The following RASAL2 variants were observed in gnomAD, a reference collection of about 807,000 sequenced individuals.
RASAL2 encodes the protein RAS protein activator like 2.
RASAL2 carries 58 observed loss-of-function variants against 128.9 expected under a neutral mutation model. That is an observed-to-expected ratio of 0.45 (90% CI 0.36 to 0.56). The LOEUF (loss-of-function observed/expected upper bound fraction) is 0.56. Among genes scored for constraint, RASAL2 ranks in the 20% least tolerant of loss-of-function variants. The pLI is 0.00. For missense variants in RASAL2, 1,360 were observed against 1,601.6 expected (o/e 0.85, Z 2.57); for synonymous variants, 561 against 580.8 (o/e 0.97, Z 0.49).
At chr1:178,207,816 G>A (rs940517470) in intron 1 of RASAL2, among the ~76,000 whole-genome samples, 7 of 151,580 alleles carry the variant, frequency 4.6e-5, no homozygotes, top group African/African-American at 1.7e-4. Context: ...TTTCTCTCAT[G>A]ATAAAAACAT....
chr1:178,320,216 T>G (rs1668691620), intron 3 of RASAL2, among the ~76,000 whole-genome samples: 2 of 151,832 alleles, frequency 1.3e-5, no homozygotes, highest in Non-Finnish European at 2.9e-5. Flanking sequence ...ACAGGGACAT[T>G]TAAGTCTGCA....
At chr1:178,233,593 T>A (rs1664101897) in intron 1 of RASAL2, among the ~76,000 whole-genome samples, 1 of 152,144 alleles carries the variant, frequency 6.6e-6, no homozygotes, top group African/African-American at 2.4e-5. Context: ...CTGCCAAAGA[T>A]GGTTAGTAAT....
chr1:178,250,693 C>T (rs1486276672), intron 1 of RASAL2, among the ~76,000 whole-genome samples: 1 of 152,202 alleles, frequency 6.6e-6, no homozygotes, highest in Non-Finnish European at 1.5e-5. Context: ...CCTATTAGGT[C>T]ATCTTGCCAG....
intron 1 of RASAL2, among the ~76,000 whole-genome samples, chr1:178,265,399 C>T (rs888643010): frequency 6.6e-6 from 1 of 152,188 alleles, no homozygotes; most frequent in African/African-American, 2.4e-5. Flanking sequence ...GCTGGAATTA[C>T]AGTTTCCCTC....
At position 178,452,460 on chromosome 1, in the gene RASAL2, A is replaced by C. The variant is rs1404251781; in HGVS notation, c.1817A>C (p.Gln606Pro). The change falls in exon 11 of 18, where the codon CAG becomes CCG. Residue 606 changes from glutamine (Q) to proline (P), a missense_variant. Around this residue, in one of 3 missense-constraint regions of RASAL2, gnomAD observed 741 missense variants for 868.6 expected, o/e 0.85. Coordinates refer to ENST00000367649, the MANE Select transcript of RASAL2 (RefSeq NM_170692.4). ...AAAGAAGTGTTTGCATCATGGAAGC[A>C]GCAGTGCCTGAACCGTGGCAAGCAA... is the stretch of plus-strand genomic sequence containing the variant. Reference protein sequence around the residue: ...ELKEVFASWKQQCLNRGKQDI... With the variant: ...ELKEVFASWKPQCLNRGKQDI... 1 of 1,613,990 alleles carries C rather than the reference A, an allele frequency of 6.2e-7. No homozygotes were observed. The highest frequency in any genetic ancestry group is 8.5e-7 in the Non-Finnish European group (1 of 1,179,974).
intron 1 of RASAL2, among the ~76,000 whole-genome samples, chr1:178,140,145 T>C (rs74128861): frequency 6.6e-6 from 1 of 152,280 alleles, no homozygotes; most frequent in African/African-American, 2.4e-5. Flanking sequence ...CAATCTTTTT[T>C]TCATTATTGC....
At chr1:178,117,194 C>A (rs1659548928) in intron 1 of RASAL2, among the ~76,000 whole-genome samples, 1 of 152,090 alleles carries the variant, frequency 6.6e-6, no homozygotes, top group Non-Finnish European at 1.5e-5. Context: ...CTAGAGTTAA[C>A]TGGAAGCATT....
chr1:178,386,410 A>G (rs771212849), intron 3 of RASAL2, among the ~76,000 whole-genome samples: 1 of 152,210 alleles, frequency 6.6e-6, no homozygotes, highest in Non-Finnish European at 1.5e-5. Context: ...TGGCTTACAC[A>G]GAATCGTACA....
intron 17 of RASAL2, among the ~76,000 whole-genome samples, chr1:178,469,027 G>T (rs1188018301): frequency 2.0e-5 from 3 of 152,210 alleles, no homozygotes; most frequent in Non-Finnish European, 2.9e-5. Flanking sequence ...GCCAGGCAAG[G>T]TGGCTGATGC....
At chr1:178,155,890 C>G (rs1006875700) in intron 1 of RASAL2, among the ~76,000 whole-genome samples, 3 of 152,078 alleles carry the variant, frequency 2.0e-5, no homozygotes, top group Non-Finnish European at 4.4e-5. Flanking sequence ...CATCTCCTTC[C>G]CAATAATTAG....
At chr1:178,438,102 T>TTTG (rs1491265355) in intron 5 of RASAL2, among the ~76,000 whole-genome samples, 45 of 142,056 alleles carry the variant, frequency 3.2e-4, no homozygotes, top group African/African-American at 1.1e-3. Flanking sequence ...AAATGGTGGC[T>TTTG]TGTGTGTGTG....
At position 178,259,813 on chromosome 1, in the gene RASAL2, C is replaced by T. The variant is rs556657951; in HGVS notation, c.203-23751C>T. On this transcript the variant is annotated intron_variant, in intron 1 of 17. Coordinates refer to ENST00000367649, the MANE Select transcript of RASAL2 (RefSeq NM_170692.4). Reference sequence around the variant, plus strand: ...TACTGGGCCCAAGTCATCCTCCCTCCTTGGCCTCTCAAAGTGCTGAGATTA... The same window carrying T: ...TACTGGGCCCAAGTCATCCTCCCTCTTTGGCCTCTCAAAGTGCTGAGATTA... Among the ~76,000 whole-genome samples, 97 of 152,248 alleles carry T rather than the reference C, an allele frequency of 6.4e-4. No individual in the cohort carries two copies. In the South Asian group the frequency reaches 0.02, roughly 32 times the overall value.
chr1:178,392,176 A>G (rs1171089629), intron 4 of RASAL2, among the ~76,000 whole-genome samples: 1 of 152,228 alleles, frequency 6.6e-6, no homozygotes, highest in Non-Finnish European at 1.5e-5. Flanking sequence ...AGATAGAAAA[A>G]TGACCAGATT....
Position 178,369,298 on chromosome 1 carries a change from T to C in RASAL2, c.458-20802T>C, listed in dbSNP as rs370796789. On this transcript the variant is annotated intron_variant, in intron 3 of 17. Transcript: ENST00000367649. ...GTGCAGTGGCGCGATCTCGGCTTACTGCAACCTCTGCCTCCCGGGTTCAAG... is the reference window on the plus strand; with the variant it reads ...GTGCAGTGGCGCGATCTCGGCTTACCGCAACCTCTGCCTCCCGGGTTCAAG... Among the ~76,000 whole-genome samples the C allele has an allele frequency of 1.9e-3, 294 of 152,242 alleles. 2 individuals carry two copies. The highest frequency in any genetic ancestry group is 0.012 in the South Asian group (60 of 4,822).
intron 6 of RASAL2, among the ~76,000 whole-genome samples, chr1:178,440,933 A>G (rs988007037): frequency 6.6e-6 from 1 of 152,144 alleles, no homozygotes; most frequent in African/African-American, 2.4e-5. Context: ...AGAAACTCTC[A>G]TCCTTTATTA....
chr1:178,171,247 T>C (rs1045644112), intron 1 of RASAL2, among the ~76,000 whole-genome samples: 1 of 151,932 alleles, frequency 6.6e-6, no homozygotes, highest in African/African-American at 2.4e-5. Context: ...TCTCAGCACA[T>C]TGTACCTGCT....
rs1338854116 is a variant in RASAL2 at position 178,458,395 on chromosome 1, T to C, written c.3103T>C (p.Leu1035=). Residue 1035 remains leucine, a synonymous_variant, in exon 14 of 18, where the codon TTA becomes CTA. Transcript: ENST00000367649. ...APPSLPHSAS[L]RSTGSMSVVS... ...ACCATCCCTGCCACACAGTGCTTCT[T>C]TACGTAGCACCGGGAGCATGTCAGT... is the stretch of plus-strand genomic sequence containing the variant. The C allele has an allele frequency of 1.2e-6, 2 of 1,614,048 alleles. No individual in the cohort carries two copies. Among genetic ancestry groups the C allele is most frequent in the African/African-American group, 2.7e-5 (2 of 74,928 alleles).
chr1:178,452,720 T>G, intron 11 of RASAL2, 68 bp downstream of exon 11: 6 of 1,353,938 alleles, frequency 4.4e-6, no homozygotes, highest in Non-Finnish European at 5.2e-6. Context: ...AAAATTTGGA[T>G]GAGGGTTGGG....
rs571586450 is a variant in RASAL2 at position 178,415,258 on chromosome 1, A to G, written c.565-5253A>G. Among the ~76,000 whole-genome samples the G allele has an allele frequency of 9.1e-4, 139 of 152,128 alleles. 1 individual carries two copies. Among genetic ancestry groups the G allele is most frequent in the Non-Finnish European group, 1.5e-3 (102 of 67,948 alleles). On this transcript the variant is annotated intron_variant, in intron 4 of 17. Transcript: ENST00000367649. ...CTGCATACCACAAAATTTAGATGCTATGTTTTCATTTTTATTTCATTCAGT... is the reference window on the plus strand; with the variant it reads ...CTGCATACCACAAAATTTAGATGCTGTGTTTTCATTTTTATTTCATTCAGT...
Sources: gnomAD v4.1 joint callset for allele counts (sites outside exome capture counted in the v4.1 genomes callset) on GRCh38, gnomAD v4.1.1 for gene constraint, gnomAD v4.1.1 regional missense constraint, MANE v1.5 for transcripts, NCBI Gene and HGNC (gene_info 2026-07-23, HGNC 2026-07-21) for gene names.